The following EIF2B3 variants were observed in gnomAD, a reference collection of about 807,000 sequenced individuals.
The protein encoded by EIF2B3 is eukaryotic translation initiation factor 2B subunit gamma.
A neutral mutation model predicts 54.1 loss-of-function variants in EIF2B3; 20 were observed. The observed-to-expected ratio is 0.37, with a 90% CI of 0.26 to 0.54. The LOEUF is 0.54. Ranked by LOEUF, EIF2B3 falls within the 20% of genes least tolerant of loss-of-function variation. The pLI is 0.86. For missense variants in EIF2B3, 448 were observed against 547.8 expected, an observed-to-expected ratio of 0.82 and a Z score of 1.82; for synonymous variants, 153 against 188.1, an observed-to-expected ratio of 0.81 and a Z score of 1.52.
chr1:44,898,191 A>C (rs897340012), intron 5 of EIF2B3, among the ~76,000 whole-genome samples: 1 of 152,174 alleles, frequency 6.6e-6, no homozygotes, highest in African/African-American at 2.4e-5. Flanking sequence ...AAATTCTATG[A>C]ATAATCCTAA....
At chr1:44,872,677 A>C (rs1655003337) in intron 10 of EIF2B3, among the ~76,000 whole-genome samples, 1 of 151,862 alleles carries the variant, frequency 6.6e-6, no homozygotes, top group South Asian at 2.1e-4. Flanking sequence ...CACTACCCCC[A>C]AAACCACTCC....
At chr1:44,935,941 GT>G (rs201524888) in intron 4 of EIF2B3, among the ~76,000 whole-genome samples, 23,389 of 144,558 alleles carry the variant, frequency 0.16, 1,872 homozygotes, top group Non-Finnish European at 0.18. Flanking sequence ...TGGCATTTTG[GT>G]TTTTTTTTTT....
intron 11 of EIF2B3, among the ~76,000 whole-genome samples, chr1:44,852,314 C>T (rs535273988): frequency 1.3e-5 from 2 of 152,032 alleles, no homozygotes; most frequent in Admixed American, 1.3e-4. Flanking sequence ...GAATGCTTCC[C>T]CCTCCATTTT....
intron 5 of EIF2B3, among the ~76,000 whole-genome samples, chr1:44,900,714 ATAGATT>A (rs545452316): frequency 6.6e-4 from 100 of 152,124 alleles, no homozygotes; most frequent in Middle Eastern, 3.4e-3. Context: ...TCCTGTCTCT[ATAGATT>A]TATAGATTTG....
chr1:44,921,437 G>GT (rs1643736065), intron 5 of EIF2B3, among the ~76,000 whole-genome samples: 2 of 152,184 alleles, frequency 1.3e-5, no homozygotes, highest in Non-Finnish European at 1.5e-5. Flanking sequence ...CTGTGCTTGT[G>GT]GGGTATTACT....
At chr1:44,921,745 T>C (rs1483890486) in intron 5 of EIF2B3, among the ~76,000 whole-genome samples, 1 of 152,134 alleles carries the variant, frequency 6.6e-6, no homozygotes, top group Non-Finnish European at 1.5e-5. Context: ...CACTGACCTA[T>C]GTGTCTGTTT....
Position 44,941,386 on chromosome 1 carries a change from T to C in EIF2B3, c.454+120A>G, listed in dbSNP as rs544660255. 1.1e-5 allele frequency: 13 copies of C among 1,216,196 alleles called. No homozygotes were observed. In the South Asian group the frequency reaches 2.0e-4, roughly 19 times the overall value. The allele number at this position is 1,216,196 out of a possible 1,614,324, so 75.3% of individuals were successfully genotyped here. ...TCTTATTTGACTTTATGTCATCAAC[T>C]CCTAGCACAGAATCTGTGATGTATA... On this transcript the variant is annotated intron_variant, in intron 4 of 11. Transcript: ENST00000360403.
At chr1:44,857,599 C>A in intron 11 of EIF2B3, 105 bp downstream of exon 11, 1 of 1,037,820 alleles carries the variant, frequency 9.6e-7, no homozygotes, top group Non-Finnish European at 1.5e-6. Flanking sequence ...TGTTCTCGCC[C>A]GCAGTGTACG....
chr1:44,984,848 G>A (rs796455157), intron 1 of EIF2B3, among the ~76,000 whole-genome samples: 3 of 118,310 alleles, frequency 2.5e-5, no homozygotes, highest in South Asian at 3.1e-4. Context: ...CGCCCAGGCC[G>A]GACTGCGGAC....
rs1382098795 is a variant in EIF2B3, at chr1:44,881,493, G to A, written c.784+119C>T. 9 of 1,397,584 alleles carry A rather than the reference G, an allele frequency of 6.4e-6. No homozygotes were observed. Among genetic ancestry groups the A allele is most frequent in the Non-Finnish European group, 8.0e-6 (8 of 998,404 alleles). 86.6% of individuals were successfully genotyped at this position (1,397,584 alleles called of 1,614,324 possible). Reference sequence around the variant, plus strand: ...GTTGGCAAGCCTGTCTTGCCTCGTAGGCTAGAAATAGTCTGCTGCCTTGAG... The same window carrying A: ...GTTGGCAAGCCTGTCTTGCCTCGTAAGCTAGAAATAGTCTGCTGCCTTGAG... On this transcript the variant is annotated intron_variant, in intron 7 of 11. Transcript: ENST00000360403. This position sits in a 1 kb window ranked among gnomAD's most constrained non-coding sequence, Gnocchi z 4.0.
intron 3 of EIF2B3, among the ~76,000 whole-genome samples, chr1:44,951,097 T>A (rs549745776): frequency 2.0e-5 from 3 of 152,348 alleles, no homozygotes; most frequent in Non-Finnish European, 4.4e-5. Context: ...CATGACCTCA[T>A]CACGTTCAAT....
At chr1:44,889,682 CCA>C (rs1655732928) in intron 6 of EIF2B3, among the ~76,000 whole-genome samples, 1 of 151,958 alleles carries the variant, frequency 6.6e-6, no homozygotes, top group Non-Finnish European at 1.5e-5. Context: ...GCACACGCCA[CCA>C]CACCTGGATA....
rs150206418 is a variant in EIF2B3, at chr1:44,866,802, G to A, written c.1202+7876C>T. ...ACTCCTGACCTCAGGTGATTGGCCC[G>A]CCTTGGCCTCCCAAAGTGTTGGGAT... On this transcript the variant is annotated intron_variant, in intron 10 of 11. Transcript: ENST00000360403. Among the ~76,000 whole-genome samples the A allele has an allele frequency of 4.5e-3, 684 of 152,280 alleles. 5 individuals carry two copies. Among genetic ancestry groups the A allele is most frequent in the African/African-American group, 0.016 (649 of 41,556 alleles).
chr1:44,854,777 T>C (rs1654387064), intron 11 of EIF2B3, among the ~76,000 whole-genome samples: 2 of 151,700 alleles, frequency 1.3e-5, no homozygotes, highest in South Asian at 2.1e-4. Flanking sequence ...TTAGTAGAGA[T>C]GGGGTTTCTC....
At chr1:44,860,676 T>C (rs1427362021) in intron 10 of EIF2B3, among the ~76,000 whole-genome samples, 1 of 152,166 alleles carries the variant, frequency 6.6e-6, no homozygotes, top group East Asian at 1.9e-4. Flanking sequence ...AGAAGAGACC[T>C]AGAACTGCCT....
At chr1:44,873,159 C>T (rs543038331) in intron 10 of EIF2B3, among the ~76,000 whole-genome samples, 26 of 152,246 alleles carry the variant, frequency 1.7e-4, no homozygotes, top group African/African-American at 4.8e-4. Context: ...CTGGTAGCAG[C>T]GTACCACAAA....
At chr1:44,884,792 A>G (rs1347622700) in intron 6 of EIF2B3, among the ~76,000 whole-genome samples, 1 of 152,178 alleles carries the variant, frequency 6.6e-6, no homozygotes, top group Non-Finnish European at 1.5e-5. Flanking sequence ...TTACAGACCA[A>G]AAAGAACTGT....
At chr1:44,939,239 C>T (rs1330042928) in intron 4 of EIF2B3, among the ~76,000 whole-genome samples, 3 of 151,896 alleles carry the variant, frequency 2.0e-5, no homozygotes, top group East Asian at 1.9e-4. Context: ...CAAACTCTTT[C>T]GTCTGATATC....
chr1:44,974,455 C>T (rs182034827), intron 3 of EIF2B3, among the ~76,000 whole-genome samples: 178 of 124,482 alleles, frequency 1.4e-3, no homozygotes, highest in Non-Finnish European at 2.6e-3. Flanking sequence ...GCCTGGACAA[C>T]AAAGTAAGAC....
Sources: gnomAD v4.1 joint callset for allele counts (sites outside exome capture counted in the v4.1 genomes callset) on GRCh38, gnomAD v4.1.1 for gene constraint, Gnocchi (gnomAD v3.1) non-coding constraint, MANE v1.5 for transcripts, NCBI Gene and HGNC (gene_info 2026-07-23, HGNC 2026-07-21) for gene names.